UBE2E2: variants seen among roughly 807,000 people sequenced by gnomAD.
The protein encoded by UBE2E2 is ubiquitin conjugating enzyme E2 E2.
Under a neutral mutation model 24.7 loss-of-function variants are expected in UBE2E2, and 6 were observed. The ratio of observed to expected loss-of-function variants is 0.24; its 90% CI spans 0.13 to 0.48. UBE2E2 has a LOEUF of 0.48. Ranked by LOEUF, UBE2E2 falls within the 20% of genes least tolerant of loss-of-function variation. UBE2E2 has a pLI of 0.99. For synonymous variants in UBE2E2, 104 were observed against 83.6 expected (o/e 1.24, Z -1.33); for missense variants, 169 against 245.0 (o/e 0.69, Z 2.07).
At chr3:23,210,933 T>A (rs75472160) in intron 2 of UBE2E2, among the ~76,000 whole-genome samples, 2,469 of 152,318 alleles carry the variant, frequency 0.016, 38 homozygotes, top group Non-Finnish European at 0.026. Flanking sequence ...TCACTACTAA[T>A]TTTTTAATTT....
intron 5 of UBE2E2, among the ~76,000 whole-genome samples, chr3:23,584,618 A>T (rs1427286231): frequency 2.6e-5 from 4 of 151,854 alleles, no homozygotes; most frequent in Admixed American, 2.6e-4. Flanking sequence ...CAGTGGCGCA[A>T]TCATGGCTCA....
chr3:23,207,949 C>T (rs924382183), intron 1 of UBE2E2, among the ~76,000 whole-genome samples: 5 of 151,974 alleles, frequency 3.3e-5, no homozygotes, highest in Admixed American at 2.0e-4. Flanking sequence ...TTTTTATCAC[C>T]GCACAGGGAA....
At chr3:23,512,213 ATTTAT>A (rs60784402) in intron 4 of UBE2E2, among the ~76,000 whole-genome samples, 4,123 of 99,094 alleles carry the variant, frequency 0.042, 63 homozygotes, top group East Asian at 0.16. Flanking sequence ...TTTTTTTTCT[ATTTAT>A]TTTATTATTT....
chr3:23,250,828 A>G (rs183231365), intron 3 of UBE2E2, among the ~76,000 whole-genome samples: 214 of 152,242 alleles, frequency 1.4e-3, no homozygotes, highest in African/African-American at 4.9e-3. Context: ...GGCTTCTGAT[A>G]TGGGTAATTT....
At chr3:23,464,434 A>C (rs1022269874) in intron 3 of UBE2E2, among the ~76,000 whole-genome samples, 8 of 152,126 alleles carry the variant, frequency 5.3e-5, no homozygotes, top group Non-Finnish European at 1.0e-4. Context: ...AATTTTTTAG[A>C]TTTATTTTTA....
At chr3:23,584,242 C>T (rs1329494547) in intron 5 of UBE2E2, among the ~76,000 whole-genome samples, 3 of 152,164 alleles carry the variant, frequency 2.0e-5, no homozygotes, top group African/African-American at 7.2e-5. Context: ...TTGAACCAAC[C>T]TTGCATCCCA....
intron 4 of UBE2E2, among the ~76,000 whole-genome samples, chr3:23,530,073 C>G (rs1695086680): frequency 6.6e-6 from 1 of 152,210 alleles, no homozygotes; most frequent in East Asian, 1.9e-4. Flanking sequence ...TTTTCAGTTT[C>G]CAAACATATG....
intron 3 of UBE2E2, among the ~76,000 whole-genome samples, chr3:23,220,277 T>A (rs1316087319): frequency 3.3e-5 from 5 of 152,344 alleles, no homozygotes; most frequent in Middle Eastern, 3.4e-3. Flanking sequence ...TATTTGCCTC[T>A]ACATATTTCA....
At chr3:23,318,609 T>C (rs1187490317) in intron 3 of UBE2E2, among the ~76,000 whole-genome samples, 2 of 152,052 alleles carry the variant, frequency 1.3e-5, no homozygotes, top group Non-Finnish European at 2.9e-5. Context: ...GTGGCAGGCA[T>C]GAGAGAAAAT....
At chr3:23,233,187 G>A (rs576507979) in intron 3 of UBE2E2, among the ~76,000 whole-genome samples, 2 of 152,284 alleles carry the variant, frequency 1.3e-5, no homozygotes, top group Non-Finnish European at 2.9e-5. Flanking sequence ...TGAGAAAGTA[G>A]GACTGTAAGA....
intron 1 of UBE2E2, chr3:23,204,687 C>T (rs2125313183): frequency 1.0e-6 from 1 of 985,306 alleles, no homozygotes; most frequent in Non-Finnish European, 1.2e-6. Flanking sequence ...TCCCCTGCAG[C>T]ACCTTTTACC....
intron 3 of UBE2E2, among the ~76,000 whole-genome samples, chr3:23,254,430 C>T (rs961436569): frequency 6.6e-6 from 1 of 152,074 alleles, no homozygotes; most frequent in African/African-American, 2.4e-5. Flanking sequence ...TAGGAGAGTC[C>T]AGTAGCCGGT....
intron 3 of UBE2E2, among the ~76,000 whole-genome samples, chr3:23,475,184 G>A (rs1368880386): frequency 2.0e-5 from 3 of 151,874 alleles, no homozygotes; most frequent in South Asian, 4.1e-4. Flanking sequence ...ATGTCAGTAA[G>A]TGTTTCTCAG....
At chr3:23,294,080 TAA>T (rs1440546730) in intron 3 of UBE2E2, among the ~76,000 whole-genome samples, 2 of 152,254 alleles carry the variant, frequency 1.3e-5, no homozygotes, top group Non-Finnish European at 2.9e-5. Flanking sequence ...TTACCTTGAA[TAA>T]TTTACTAGGA....
At position 23,450,927 on chromosome 3, in the gene UBE2E2, C is replaced by T. The variant is rs192539352; in HGVS notation, c.228-48681C>T. On this transcript the variant is annotated intron_variant, in intron 3 of 5. Transcript: ENST00000396703. ...TCCAGTAGGTGGGTTACTGAAATTACAGATTAATTAAATTTGTAGTTTTAC... is the reference window on the plus strand; with the variant it reads ...TCCAGTAGGTGGGTTACTGAAATTATAGATTAATTAAATTTGTAGTTTTAC... 5.8e-4 allele frequency among the ~76,000 whole-genome samples: 88 copies of T among 152,290 alleles called. 1 individual carries two copies. Among genetic ancestry groups the T allele is most frequent in the South Asian group, 1.0e-3 (5 of 4,828 alleles).
intron 3 of UBE2E2, among the ~76,000 whole-genome samples, chr3:23,351,930 AT>A (rs996286852): frequency 6.6e-6 from 1 of 152,116 alleles, no homozygotes; most frequent in African/African-American, 2.4e-5. Context: ...CAGAATATAC[AT>A]TTTTTTCAGC....
chr3:23,508,263 C>T (rs974940893), intron 4 of UBE2E2, among the ~76,000 whole-genome samples: 1 of 152,104 alleles, frequency 6.6e-6, no homozygotes, highest in African/African-American at 2.4e-5. Context: ...TCTGTGTGTC[C>T]AGCCACCACC....
chr3:23,561,777 A>C (rs563710817), intron 5 of UBE2E2, among the ~76,000 whole-genome samples: 217 of 152,210 alleles, frequency 1.4e-3, no homozygotes, highest in African/African-American at 5.0e-3. Context: ...CTCCTTGAAG[A>C]GGTCCTTCAC....
rs531661466 is a variant in UBE2E2, at chr3:23,224,156, GTTT to G, written c.227+6866_227+6868del. On this transcript the variant is annotated intron_variant, in intron 3 of 5. Coordinates refer to ENST00000396703, the MANE Select transcript of UBE2E2 (RefSeq NM_152653.4). ...TCTTGTGGTTCCATGTAAATTTTAG[GTTT>G]TTTTTTTTTTTTTTTTTTTTTACTA... 2.9e-3 allele frequency among the ~76,000 whole-genome samples: 273 copies of G among 93,700 alleles called. 1 individual carries two copies. Among genetic ancestry groups the G allele is most frequent in the East Asian group, 0.021 (62 of 2,934 alleles). The allele number at this position is 93,700 out of a possible 152,430, so 61.5% of individuals were successfully genotyped here.
Sources: allele counts gnomAD v4.1 joint callset (sites outside exome capture counted in the v4.1 genomes callset), GRCh38; gene constraint gnomAD v4.1.1; transcripts MANE v1.5; gene names NCBI Gene and HGNC (gene_info 2026-07-23, HGNC 2026-07-21).